CNTN5: variants seen among roughly 807,000 people sequenced by gnomAD.
CNTN5 encodes contactin-5.
A neutral mutation model predicts 129.1 loss-of-function variants in CNTN5; 77 were observed. That is an observed-to-expected ratio of 0.60 (90% confidence interval 0.50 to 0.72). The LOEUF (loss-of-function observed/expected upper bound fraction) is 0.72, where lower values mean the gene tolerates loss of function less well. Ranked by LOEUF, CNTN5 falls within the 30% of genes least tolerant of loss-of-function variation. The probability of loss-of-function intolerance (pLI) is 0.00; values close to 1 mark genes in which losing one functional copy is unlikely to be tolerated. For missense variants in CNTN5, 1,478 were observed against 1,328.8 expected (o/e 1.11, Z -1.75); for synonymous variants, 509 against 465.6 (o/e 1.09, Z -1.20).
At chr11:99,346,499 T>A (rs1302740694) in intron 2 of CNTN5, among the ~76,000 whole-genome samples, 1 of 152,088 alleles carries the variant, frequency 6.6e-6, no homozygotes, top group Non-Finnish European at 1.5e-5. Context: ...CCTACCGAGG[T>A]CTCCACTACT....
chr11:100,350,896 T>G (rs1275124075), intron 24 of CNTN5, 26 bp downstream of exon 24: 3 of 1,517,064 alleles, frequency 2.0e-6, no homozygotes, highest in Non-Finnish European at 1.8e-6. Context: ...GTAGATTTAA[T>G]TTGCTGACAA....
intron 21 of CNTN5, among the ~76,000 whole-genome samples, chr11:100,312,473 C>T (rs1951489718): frequency 6.6e-6 from 1 of 152,012 alleles, no homozygotes; most frequent in Non-Finnish European, 1.5e-5. Context: ...AAAAATGTCA[C>T]TTAGTAAAAG....
At chr11:99,630,204 A>T (rs913732939) in intron 3 of CNTN5, among the ~76,000 whole-genome samples, 2 of 150,924 alleles carry the variant, frequency 1.3e-5, no homozygotes, top group East Asian at 3.9e-4. Context: ...TTTTAAGACA[A>T]ATTTCAAAAT....
intron 2 of CNTN5, among the ~76,000 whole-genome samples, chr11:99,393,048 T>TA (rs1226180056): frequency 1.3e-5 from 2 of 151,758 alleles, no homozygotes; most frequent in Non-Finnish European, 3.0e-5. Context: ...TTAAGTGGTT[T>TA]AAAAACATTT....
intron 1 of CNTN5, among the ~76,000 whole-genome samples, chr11:99,268,609 A>C (rs1863019128): frequency 6.6e-6 from 1 of 151,960 alleles, no homozygotes; most frequent in Non-Finnish European, 1.5e-5. Flanking sequence ...TTTAATGTGC[A>C]AGCCAAAATG....
intron 24 of CNTN5, among the ~76,000 whole-genome samples, chr11:100,354,045 C>G (rs893816104): frequency 6.6e-6 from 1 of 151,372 alleles, no homozygotes; most frequent in African/African-American, 2.4e-5. Context: ...AGATAATACA[C>G]GAGTATCTAA....
intron 3 of CNTN5, among the ~76,000 whole-genome samples, chr11:99,625,034 C>A (rs905080048): frequency 2.1e-4 from 32 of 152,132 alleles, no homozygotes; most frequent in African/African-American, 7.5e-4. Flanking sequence ...TTTCATTCTG[C>A]CTAGTATCTA....
Position 99,482,027 on chromosome 11 carries a change from A to T in CNTN5, c.-70-74118A>T, listed in dbSNP as rs147601096. ...ACCTTGCTAAGGTTCAACATCCCTA[A>T]CATAATATTTTGAGTCTGAAATTCC... On this transcript the variant is annotated intron_variant, in intron 2 of 24. Transcript: ENST00000524871. Among the ~76,000 whole-genome samples, 69 of 152,304 alleles carry T rather than the reference A, an allele frequency of 4.5e-4. No individual in the cohort carries two copies. In the East Asian group the frequency reaches 0.013, roughly 29 times the overall value.
chr11:99,261,886 C>T (rs535187051), intron 1 of CNTN5, among the ~76,000 whole-genome samples: 1 of 151,946 alleles, frequency 6.6e-6, no homozygotes, highest in African/African-American at 2.4e-5. Flanking sequence ...TACTGTAGAG[C>T]CTTCCTAAGC....
intron 2 of CNTN5, among the ~76,000 whole-genome samples, chr11:99,443,320 A>G (rs1943917696): frequency 6.6e-6 from 1 of 152,210 alleles, no homozygotes; most frequent in Admixed American, 6.5e-5. Context: ...CTTTTTATCT[A>G]TGTGTAATTG....
intron 3 of CNTN5, among the ~76,000 whole-genome samples, chr11:99,764,246 G>A (rs188124716): frequency 3.9e-5 from 6 of 151,962 alleles, no homozygotes; most frequent in African/African-American, 1.2e-4. Flanking sequence ...TGATGAGTAG[G>A]ACAAGGCTTG....
rs1938240079 is a variant in CNTN5, at chr11:99,350,756, TCATGTATGATAAAAAGAAAA to T, written c.-71+25275_-71+25294del. On this transcript the variant is annotated intron_variant, in intron 2 of 24. Coordinates refer to ENST00000524871, the MANE Select transcript of CNTN5 (RefSeq NM_014361.4). ...TATTTAGTTCTTGAACAGAAAAATG[TCATGTATGATAAAAAGAAAA>T]CAATCAGAATAGTGGCAATCTCTGA... is the stretch of plus-strand genomic sequence containing the variant. Among the ~76,000 whole-genome samples the T allele has an allele frequency of 3.3e-5, 5 of 152,044 alleles. No individual in the cohort carries two copies. In the South Asian group the frequency reaches 1.0e-3, roughly 32 times the overall value.
chr11:99,374,188 C>T (rs1215235815), intron 2 of CNTN5, among the ~76,000 whole-genome samples: 6 of 152,110 alleles, frequency 3.9e-5, no homozygotes, highest in Admixed American at 2.6e-4. Flanking sequence ...GTCAGAGGTC[C>T]AATTTCAGAG....
intron 1 of CNTN5, among the ~76,000 whole-genome samples, chr11:99,038,009 G>A (rs1319079733): frequency 6.6e-6 from 1 of 152,012 alleles, no homozygotes; most frequent in African/African-American, 2.4e-5. Context: ...TTAATTTAGA[G>A]CATAATTTAA....
chr11:99,594,208 C>A (rs1286286521), intron 3 of CNTN5, among the ~76,000 whole-genome samples: 1 of 152,160 alleles, frequency 6.6e-6, no homozygotes. Flanking sequence ...CCTTACATGA[C>A]CTAGCCTTGT....
At chr11:99,581,574 T>C (rs1027375945) in intron 3 of CNTN5, among the ~76,000 whole-genome samples, 14 of 152,222 alleles carry the variant, frequency 9.2e-5, no homozygotes, top group African/African-American at 3.1e-4. Flanking sequence ...TTGATCCCTT[T>C]ACCGTTATGT....
At chr11:99,286,876 A>G (rs1054352138) in intron 1 of CNTN5, among the ~76,000 whole-genome samples, 12 of 152,208 alleles carry the variant, frequency 7.9e-5, no homozygotes, top group African/African-American at 2.9e-4. Context: ...TTAAAAATAT[A>G]CCACATTTTA....
chr11:99,559,210 A>G (rs779668101), intron 3 of CNTN5, among the ~76,000 whole-genome samples: 7 of 152,100 alleles, frequency 4.6e-5, no homozygotes, highest in Non-Finnish European at 8.8e-5. Flanking sequence ...CTATTACGAA[A>G]ATGAGGGCCA....
intron 13 of CNTN5, among the ~76,000 whole-genome samples, chr11:100,157,972 G>A (rs1358602388): frequency 6.6e-6 from 1 of 151,696 alleles, no homozygotes; most frequent in Non-Finnish European, 1.5e-5. Flanking sequence ...CATGATATTG[G>A]AGAATATCTT....
Sources: gnomAD v4.1 joint callset for allele counts (sites outside exome capture counted in the v4.1 genomes callset) on GRCh38, gnomAD v4.1.1 for gene constraint, MANE v1.5 for transcripts, NCBI Gene and HGNC (gene_info 2026-07-23, HGNC 2026-07-21) for gene names.